ADRB3: variants seen among roughly 807,000 people sequenced by gnomAD.
ADRB3 encodes the protein adrenoceptor beta 3.
ADRB3 carries 33 observed loss-of-function variants against 23.8 expected under a neutral mutation model. The observed-to-expected ratio is 1.38, with a 90% CI of 1.05 to 1.85. The LOEUF (loss-of-function observed/expected upper bound fraction) is 1.85. ADRB3 is among the 40% of genes most tolerant of loss of function. ADRB3 has a pLI of 0.00. For missense variants in ADRB3, 600 were observed against 579.6 expected (o/e 1.04, Z -0.36); for synonymous variants, 289 against 273.0 (o/e 1.06, Z -0.58).
Position 37,966,035 on chromosome 8 carries a change from G to C in ADRB3, c.435C>G (p.Tyr145Ter). The C allele has an allele frequency of 6.3e-7, 1 of 1,584,894 alleles. No homozygotes were observed. The highest frequency in any genetic ancestry group is 8.6e-7 in the Non-Finnish European group (1 of 1,165,514). The part of the protein sequence containing the change: ...RYLAVTNPLR[Y>*]GALVTKRCAR... ...CGCAGCGCTTGGTGACCAGTGCGCC[G>C]TAACGCAGCGGGTTGGTCACAGCCA... is the stretch of plus-strand genomic sequence containing the variant. The change falls in exon 1 of 2, where the codon TAC becomes TAG. Residue 145 changes from tyrosine (Y) to a stop codon, truncating the protein, a stop_gained. Coordinates refer to ENST00000345060, the MANE Select transcript of ADRB3 (RefSeq NM_000025.3). LOFTEE classifies it high-confidence loss of function.
rs908042004 is a variant in ADRB3, at chr8:37,965,252, C to T, written c.1205+13G>A. ...GACCCTGAGCCGCCGGTCCCTCTGCCCCGGTTACCTACCCGTCGAGCCGTT... is the reference window on the plus strand; with the variant it reads ...GACCCTGAGCCGCCGGTCCCTCTGCTCCGGTTACCTACCCGTCGAGCCGTT... On this transcript the variant is annotated intron_variant, in intron 1 of 1. Coordinates refer to ENST00000345060, the MANE Select transcript of ADRB3 (RefSeq NM_000025.3). 4.0e-6 allele frequency: 6 copies of T among 1,504,668 alleles called. No homozygotes were observed. In the East Asian group the frequency reaches 1.4e-4, roughly 36 times the overall value. The allele number at this position is 1,504,668 out of a possible 1,614,324, so 93.2% of individuals were successfully genotyped here.
At position 37,966,139 on chromosome 8, in the gene ADRB3, C is replaced by T; in HGVS notation, c.331G>A (p.Glu111Lys). 1 of 1,610,972 alleles carries T rather than the reference C, an allele frequency of 6.2e-7. No homozygotes were observed. The highest frequency in any genetic ancestry group is 8.5e-7 in the Non-Finnish European group (1 of 1,178,876). Residue 111 changes from glutamate to lysine, a missense_variant, in exon 1 of 2, where the codon GAG becomes AAG. Physicochemically the swap from Glu to Lys is moderately conservative, Grantham distance 56 (BLOSUM62 1). Coordinates refer to ENST00000345060, the MANE Select transcript of ADRB3 (RefSeq NM_000025.3). ...GHWPLGATGCELWTSVDVLCV... is the reference protein window; with the variant it reads ...GHWPLGATGCKLWTSVDVLCV... ...AGCACGTCCACCGAGGTCCACAGCT[C>T]GCAGCCAGTGGCGCCCAACGGCCAG... is the stretch of plus-strand genomic sequence containing the variant.
chr8:37,964,267 C>G (rs1808255249), intron 1 of ADRB3, 28 bp from the exon 2 acceptor site: 1 of 1,608,414 alleles, frequency 6.2e-7, no homozygotes. Flanking sequence ...GATAATAGAC[C>G]CTGGGGTGAA....
intron 1 of ADRB3, 84 bp from the exon 2 acceptor site, chr8:37,964,323 T>C: frequency 1.6e-6 from 2 of 1,251,232 alleles, no homozygotes; most frequent in Non-Finnish European, 2.3e-6. Context: ...TCAGAGACCC[T>C]GGAACGCATA....
At position 37,965,342 on chromosome 8, in the gene ADRB3, GCGGGC is replaced by G; in HGVS notation, c.1123_1127del (p.Ala375ProfsTer44). On this transcript the variant is annotated frameshift_variant, in exon 1 of 2. Coordinates refer to ENST00000345060, the MANE Select transcript of ADRB3 (RefSeq NM_000025.3). LOFTEE classifies it high-confidence loss of function. Reference sequence around the variant, plus strand: ...GAACGCCCGAGGGGAAGAGGGCCGGGCGGGCGGCGGCGCAGGGCTCCGGAGGCAGG... The same window carrying G: ...GAACGCCCGAGGGGAAGAGGGCCGGGGGCGGCGCAGGGCTCCGGAGGCAGG... The G allele has an allele frequency of 6.5e-7, 1 of 1,543,080 alleles. No individual in the cohort carries two copies.
rs771187056 is a variant in ADRB3 at position 37,965,685 on chromosome 8, G to C, written c.785C>G (p.Pro262Arg). Reference sequence around the variant, plus strand: ...TTCGGGCGGAGCGCACGTCCCCACCGGGGCCGGGGCCAGAGAGCGCGACGG... The same window carrying C: ...TTCGGGCGGAGCGCACGTCCCCACCCGGGCCGGGGCCAGAGAGCGCGACGG... ...PAPSRSLAPA[P>R]VGTCAPPEGV... Residue 262 changes from proline (P) to arginine (R), a missense_variant, in exon 1 of 2, where the codon CCG becomes CGG. By Grantham distance (103) the Pro-to-Arg change is moderately radical. Coordinates refer to ENST00000345060, the MANE Select transcript of ADRB3 (RefSeq NM_000025.3). 7.9e-5 allele frequency: 121 copies of C among 1,538,874 alleles called. No individual in the cohort carries two copies. Among genetic ancestry groups the C allele is most frequent in the Non-Finnish European group, 9.5e-5 (109 of 1,141,998 alleles).
rs150886462 is a variant in ADRB3 at position 37,965,958 on chromosome 8, G to C, written c.512C>G (p.Ala171Gly). 192 of 1,560,310 alleles carry C rather than the reference G, an allele frequency of 1.2e-4. No individual in the cohort carries two copies. In the African/African-American group the frequency reaches 2.4e-3, roughly 20 times the overall value. ...VWVVSAAVSF[A>G]PIMSQWWRVG... ...GCGCCACCACTGGCTCATGATGGGC[G>C]CAAACGACACCGCGGCCGACACGAC... The change falls in exon 1 of 2, where the codon GCG (alanine) becomes GGG (glycine). Residue 171 changes from alanine (A) to glycine (G), a missense_variant. Coordinates refer to ENST00000345060, the MANE Select transcript of ADRB3 (RefSeq NM_000025.3).
At position 37,966,095 on chromosome 8, in the gene ADRB3, G is replaced by C. The variant is rs1808309837; in HGVS notation, c.375C>G (p.Ile125Met). ...SVDVLCVTAS[I>M]ETLCALAVDR... Reference sequence around the variant, plus strand: ...CCACGGCCAGGGCGCACAGGGTTTCGATGCTGGCGGTCACACACAGCACGT... The same window carrying C: ...CCACGGCCAGGGCGCACAGGGTTTCCATGCTGGCGGTCACACACAGCACGT... Residue 125 changes from isoleucine (I) to methionine (M), a missense_variant, in exon 1 of 2, where the codon ATC becomes ATG. Ile to Met is a conservative substitution (Grantham distance 10). Coordinates refer to ENST00000345060, the MANE Select transcript of ADRB3 (RefSeq NM_000025.3). The C allele has an allele frequency of 6.2e-7, 1 of 1,611,098 alleles. No homozygotes were observed. Among genetic ancestry groups the C allele is most frequent in the Non-Finnish European group, 8.5e-7 (1 of 1,178,800 alleles).
chr8:37,966,016 G>C lies in ADRB3; in HGVS notation c.454C>G (p.Arg152Gly), dbSNP rs769566707. ...AGGACCACAGCTGTCCGGGCGCAGC[G>C]CTTGGTGACCAGTGCGCCGTAACGC... Reference protein sequence around the residue: ...PLRYGALVTKRCARTAVVLVW... With the variant: ...PLRYGALVTKGCARTAVVLVW... Residue 152 changes from arginine (R) to glycine (G), a missense_variant, in exon 1 of 2, where the codon CGC becomes GGC. By Grantham distance (125) the Arg-to-Gly change is moderately radical. Transcript: ENST00000345060. 8 of 1,577,192 alleles carry C rather than the reference G, an allele frequency of 5.1e-6. No homozygotes were observed. Among genetic ancestry groups the C allele is most frequent in the Non-Finnish European group, 6.0e-6 (7 of 1,161,290 alleles).
Position 37,964,104 on chromosome 8 carries a change from TTCTGGAG to T in ADRB3, c.*107_*113del, listed in dbSNP as rs1259379485. 6.4e-6 allele frequency: 6 copies of T among 932,652 alleles called. No individual in the cohort carries two copies. Among genetic ancestry groups the T allele is most frequent in the Non-Finnish European group, 1.0e-5 (6 of 584,670 alleles). 57.8% of individuals were successfully genotyped at this position (932,652 alleles called of 1,614,324 possible). On this transcript the variant is annotated 3_prime_UTR_variant, in exon 2 of 2. Transcript: ENST00000345060. ...TGGGTCACATGGCCCAGTCGTCAGGTTCTGGAGGGTAGAGTGTCACAGCCGGGGAATC... is the reference window on the plus strand; with the variant it reads ...TGGGTCACATGGCCCAGTCGTCAGGTGGTAGAGTGTCACAGCCGGGGAATC...
Position 37,963,923 on chromosome 8 carries a change from G to A in ADRB3, c.*295C>T, listed in dbSNP as rs201313807. On this transcript the variant is annotated 3_prime_UTR_variant, in exon 2 of 2. Coordinates refer to ENST00000345060, the MANE Select transcript of ADRB3 (RefSeq NM_000025.3). ...CACTCACTGACTGCACAGGCAAGCC[G>A]GGTGATGGGTGCCCCTACCAAAGCC... 3.6e-4 allele frequency: 139 copies of A among 384,310 alleles called. No individual in the cohort carries two copies. Among genetic ancestry groups the A allele is most frequent in the African/African-American group, 2.6e-3 (126 of 48,262 alleles). 23.8% of individuals were successfully genotyped at this position (384,310 alleles called of 1,614,324 possible). A position where few individuals can be genotyped will look rare whatever the true frequency, so the allele number is the denominator to read the frequency against.
Position 37,965,274 on chromosome 8 carries a change from C to A in ADRB3, c.1196G>T (p.Arg399Leu), listed in dbSNP as rs746415961. The change falls in exon 1 of 2, where the codon CGG (arginine) becomes CTG (leucine). Residue 399 changes from arginine (R) to leucine (L), a missense_variant. Transcript: ENST00000345060. ...TGCCCCGGTTACCTACCCGTCGAGCCGTTGGCAAAGCCTGGGCTGCGCTGG... is the reference window on the plus strand; with the variant it reads ...TGCCCCGGTTACCTACCCGTCGAGCAGTTGGCAAAGCCTGGGCTGCGCTGG... ...SSPAQPRLCQ[R>L]LDGASWGVS 44 of 1,522,688 alleles carry A rather than the reference C, an allele frequency of 2.9e-5. No homozygotes were observed. The highest frequency in any genetic ancestry group is 3.3e-5 in the Non-Finnish European group (38 of 1,146,612). 94.3% of individuals were successfully genotyped at this position (1,522,688 alleles called of 1,614,324 possible).
At position 37,963,131 on chromosome 8, in the gene ADRB3, G is replaced by A. The variant is rs1808231202; in HGVS notation, c.*1087C>T. The A allele has an allele frequency of 6.6e-6, 1 of 151,934 alleles. No individual in the cohort carries two copies. The highest frequency in any genetic ancestry group is 1.5e-5 in the Non-Finnish European group (1 of 68,102). The allele number at this position is 151,934 out of a possible 1,614,324, so 9.4% of individuals were successfully genotyped here. ...GACACAAGACATTTGACCAACCCAA[G>A]CAATGCTTTGTGCCTGTGCCTCCAG... On this transcript the variant is annotated 3_prime_UTR_variant, in exon 2 of 2. Transcript: ENST00000345060.
chr8:37,965,442 G>A lies in ADRB3; in HGVS notation c.1028C>T (p.Pro343Leu), dbSNP rs961908351. The A allele has an allele frequency of 1.3e-6, 2 of 1,551,004 alleles. No homozygotes were observed. Among genetic ancestry groups the A allele is most frequent in the African/African-American group, 2.7e-5 (2 of 73,032 alleles). Residue 343 changes from proline (P) to leucine (L), a missense_variant, in exon 1 of 2, where the codon CCG becomes CTG. Pro to Leu is a moderately conservative substitution (Grantham distance 98). Coordinates refer to ENST00000345060, the MANE Select transcript of ADRB3 (RefSeq NM_000025.3). The stretch of plus-strand genomic sequence containing the variant: ...GTCCGGGCTGCGGCAGTAGATGAGC[G>A]GGTTGAAGGCAGAATTGGCATAACC... ...WLGYANSAFNPLIYCRSPDFR... is the reference protein window; with the variant it reads ...WLGYANSAFNLLIYCRSPDFR...
chr8:37,965,565 G>C lies in ADRB3; in HGVS notation c.905C>G (p.Thr302Ser). Residue 302 changes from threonine to serine, a missense_variant, in exon 1 of 2, where the codon ACT becomes AGT. Physicochemically the swap from Thr to Ser is moderately conservative, Grantham distance 58. Transcript: ENST00000345060. ...CAGAAAGAAGGGCAACCAGCAGAGA[G>C]TGAAGGTGCCCATGATGAGACCCAA... ...CTLGLIMGTF[T>S]LCWLPFFLAN... is the part of the protein sequence containing the mutation. 1 of 1,550,362 alleles carries C rather than the reference G, an allele frequency of 6.5e-7. No individual in the cohort carries two copies. The highest frequency in any genetic ancestry group is 1.2e-5 in the South Asian group (1 of 84,070).
chr8:37,964,293 A>G, intron 1 of ADRB3, 54 bp from the exon 2 acceptor site: 1 of 1,494,194 alleles, frequency 6.7e-7, no homozygotes, highest in Non-Finnish European at 9.3e-7. Flanking sequence ...CAACAGGTGC[A>G]CTGAGGGGAA....
chr8:37,966,071 C>T lies in ADRB3; in HGVS notation c.399G>A (p.Val133=). ...ASIETLCALA[V]DRYLAVTNPL... Reference sequence around the variant, plus strand: ...GGTTGGTCACAGCCAGGTAGCGGTCCACGGCCAGGGCGCACAGGGTTTCGA... The same window carrying T: ...GGTTGGTCACAGCCAGGTAGCGGTCTACGGCCAGGGCGCACAGGGTTTCGA... Residue 133 remains valine (V), a synonymous_variant, in exon 1 of 2, where the codon GTG becomes GTA. Transcript: ENST00000345060. 1.2e-6 allele frequency: 2 copies of T among 1,605,594 alleles called. No homozygotes were observed. Among genetic ancestry groups the T allele is most frequent in the Non-Finnish European group, 1.7e-6 (2 of 1,176,238 alleles).
rs35138363 is a variant in ADRB3 at position 37,964,595 on chromosome 8, C to T, written c.1206-356G>A. Among the ~76,000 whole-genome samples the T allele has an allele frequency of 4.1e-3, 620 of 151,802 alleles. 9 individuals are homozygous for T. The highest frequency in any genetic ancestry group is 0.014 in the African/African-American group (575 of 41,386). On this transcript the variant is annotated intron_variant, in intron 1 of 1. Coordinates refer to ENST00000345060, the MANE Select transcript of ADRB3 (RefSeq NM_000025.3). ...AAGTCCGAGCCAGGTCTAGTGATGGCAAGAAATCGGGGGAGGGGGGCAAAG... is the reference window on the plus strand; with the variant it reads ...AAGTCCGAGCCAGGTCTAGTGATGGTAAGAAATCGGGGGAGGGGGGCAAAG...
chr8:37,965,764 G>T lies in ADRB3; in HGVS notation c.706C>A (p.Arg236Ser), dbSNP rs1238478129. 4 of 1,550,420 alleles carry T rather than the reference G, an allele frequency of 2.6e-6. No homozygotes were observed. Among genetic ancestry groups the T allele is most frequent in the Non-Finnish European group, 2.6e-6 (3 of 1,146,816 alleles). The change falls in exon 1 of 2, where the codon CGC becomes AGC. Residue 236 changes from arginine to serine, a missense_variant. By Grantham distance (110) the Arg-to-Ser change is moderately radical. Coordinates refer to ENST00000345060, the MANE Select transcript of ADRB3 (RefSeq NM_000025.3). The part of the protein sequence containing the change: ...RVFVVATRQL[R>S]LLRGELGRFP... ...CGGCCCAGCTCCCCGCGCAGCAAGC[G>T]CAGCTGGCGCGTAGCCACCACGAAA...
Sources: gnomAD v4.1 joint callset for allele counts (sites outside exome capture counted in the v4.1 genomes callset) on GRCh38, gnomAD v4.1.1 for gene constraint, MANE v1.5 for transcripts, NCBI Gene and HGNC (gene_info 2026-07-23, HGNC 2026-07-21) for gene names.